SYT7: variants seen among roughly 807,000 people sequenced by gnomAD.
SYT7 encodes synaptotagmin-7.
Under a neutral mutation model 75.1 loss-of-function variants are expected in SYT7, and 29 were observed. The ratio of observed to expected loss-of-function variants is 0.39; its 90% CI spans 0.29 to 0.53. The LOEUF (loss-of-function observed/expected upper bound fraction) is 0.53. Ranked by LOEUF, SYT7 falls within the 20% of genes least tolerant of loss-of-function variation. The pLI is 0.77. For missense variants in SYT7, 693 were observed against 953.2 expected, an observed-to-expected ratio of 0.73 and a Z score of 3.59; for synonymous variants, 376 against 401.7, an observed-to-expected ratio of 0.94 and a Z score of 0.76.
At chr11:61,562,678 T>C (rs924438173) in intron 1 of SYT7, among the ~76,000 whole-genome samples, 1 of 152,136 alleles carries the variant, frequency 6.6e-6, no homozygotes, top group Non-Finnish European at 1.5e-5. Flanking sequence ...TCCCAGGACC[T>C]GCAGGGCTTG....
chr11:61,586,515 C>T, the SYT7 span, among the ~76,000 whole-genome samples: 2 of 152,192 alleles, frequency 1.3e-5, no homozygotes, highest in African/African-American at 4.8e-5. Context: ...CAGTCTGTAC[C>T]ATAGGATGTT....
At chr11:61,582,926 C>T (rs1208222697), upstream of SYT7, among the ~76,000 whole-genome samples, 1 of 152,134 alleles carries the variant, frequency 6.6e-6, no homozygotes, top group African/African-American at 2.4e-5. Flanking sequence ...CTCTCATTAC[C>T]CTAGTAAAGA....
At chr11:61,538,362 A>G (rs1047571126) in intron 6 of SYT7, 96 bp from the exon 7 acceptor site, 8 of 794,028 alleles carry the variant, frequency 1.0e-5, no homozygotes, top group African/African-American at 8.8e-5. Flanking sequence ...AGAGAGAGAG[A>G]GAGAGAGAGA....
intron 8 of SYT7, among the ~76,000 whole-genome samples, chr11:61,530,261 G>A (rs1351798271): frequency 2.0e-5 from 3 of 152,094 alleles, no homozygotes; most frequent in Admixed American, 6.5e-5. Context: ...GCTTTACCCC[G>A]GTCCTGCCTA....
chr11:61,568,595 G>T (rs1436453781), intron 1 of SYT7, among the ~76,000 whole-genome samples: 3 of 152,206 alleles, frequency 2.0e-5, no homozygotes, highest in African/African-American at 7.2e-5. Context: ...AGCGAGTGCT[G>T]AGACGGGCAT....
In SYT7 at chr11:61,517,542, G is replaced by C. The variant is rs1390869012; in HGVS notation, c.*1085C>G. 2.5e-6 allele frequency: 1 copy of C among 399,688 alleles called. No homozygotes were observed. The highest frequency in any genetic ancestry group is 4.4e-6 in the Non-Finnish European group (1 of 226,714). 24.8% of individuals were successfully genotyped at this position (399,688 alleles called of 1,614,324 possible). ...GGGGATGGAGGGGTGGAGGAAAGAA[G>C]GGTGGAGGTCTGCACAGGCAGGGAG... On this transcript the variant is annotated 3_prime_UTR_variant, in exon 13 of 13. Transcript: ENST00000539008.
chr11:61,528,139 C>T lies in SYT7; in HGVS notation c.1247G>A (p.Arg416Gln), dbSNP rs374646904. 3.7e-5 allele frequency: 59 copies of T among 1,612,946 alleles called. No individual in the cohort carries two copies. Among genetic ancestry groups the T allele is most frequent in the Admixed American group, 2.7e-4 (16 of 60,002 alleles). ...EEDEAHEGCS[R>Q]ENLGRIQFSV... ...GAACTGGATCCGGCCCAGGTTCTCT[C>T]GGCTGCAACCCTCGTGGGCCTCATC... The change falls in exon 9 of 13, where the codon CGA (arginine) becomes CAA (glutamine). Residue 416 changes from arginine (R) to glutamine (Q), a missense_variant. Arg to Gln is a conservative substitution (Grantham distance 43). This residue lies in a region of SYT7 where 487 missense variants were observed against 593.2 expected (regional missense o/e 0.82). Coordinates refer to ENST00000539008, the MANE Select transcript of SYT7 (RefSeq NM_001365809.2).
rs1162922518 is a variant in SYT7, at chr11:61,514,928, G to A, written c.*3699C>T. ...CATGGATGGTGGTGGGAAAGCTGGA[G>A]CGTCCCCCTTTGGTTTGTCTGAGCT... On this transcript the variant is annotated 3_prime_UTR_variant, in exon 13 of 13. Coordinates refer to ENST00000539008, the MANE Select transcript of SYT7 (RefSeq NM_001365809.2). 6.6e-6 allele frequency among the ~76,000 whole-genome samples: 1 copy of A among 152,220 alleles called. No homozygotes were observed. The highest frequency in any genetic ancestry group is 2.4e-5 in the African/African-American group (1 of 41,452).
At chr11:61,543,731 A>G (rs978465278) in intron 5 of SYT7, among the ~76,000 whole-genome samples, 1 of 152,250 alleles carries the variant, frequency 6.6e-6, no homozygotes, top group Non-Finnish European at 1.5e-5. Flanking sequence ...TGGAGTCAGA[A>G]GTCCCTGGCC....
intron 8 of SYT7, among the ~76,000 whole-genome samples, chr11:61,529,989 C>CTGCCCTG (rs1346347398): frequency 6.6e-6 from 1 of 152,224 alleles, no homozygotes; most frequent in Non-Finnish European, 1.5e-5. Flanking sequence ...TCACCAGACC[C>CTGCCCTG]TGCCCTGTGC....
chr11:61,515,575 A>C lies in SYT7; in HGVS notation c.*3052T>G, dbSNP rs1435026339. 6.6e-6 allele frequency: 1 copy of C among 152,004 alleles called. No individual in the cohort carries two copies. The highest frequency in any genetic ancestry group is 2.4e-5 in the African/African-American group (1 of 41,212). The allele number at this position is 152,004 out of a possible 1,614,324, so 9.4% of individuals were successfully genotyped here. A position where few individuals can be genotyped will look rare whatever the true frequency, so the allele number is the denominator to read the frequency against. ...AAAACACTTGCACTCAAGAACATAC[A>C]AACAGTGGCCACCAATCCCCACCCC... is the stretch of plus-strand genomic sequence containing the variant. On this transcript the variant is annotated 3_prime_UTR_variant, in exon 13 of 13. Transcript: ENST00000539008.
At chr11:61,522,230 C>T (rs537808900) in intron 12 of SYT7, among the ~76,000 whole-genome samples, 2 of 140,730 alleles carry the variant, frequency 1.4e-5, no homozygotes, top group East Asian at 2.0e-4. Flanking sequence ...TTCTCTGTTG[C>T]GCAGGCTGGA....
intron 2 of SYT7, among the ~76,000 whole-genome samples, chr11:61,555,406 G>C (rs114754542): frequency 0.017 from 2,665 of 152,330 alleles, 90 homozygotes; most frequent in African/African-American, 0.061. Flanking sequence ...GGCTCGGGGA[G>C]CTGTGGGCTG....
intron 1 of SYT7, among the ~76,000 whole-genome samples, chr11:61,577,728 A>G (rs2064123622): frequency 6.6e-6 from 1 of 152,182 alleles, no homozygotes; most frequent in African/African-American, 2.4e-5. Flanking sequence ...CAGGTGGGAC[A>G]AAAGAAGGCT....
In SYT7 at chr11:61,524,690, G is replaced by A; in HGVS notation, c.1472-158C>T. The A allele has an allele frequency of 1.6e-6, 1 of 619,142 alleles. No individual in the cohort carries two copies. Among genetic ancestry groups the A allele is most frequent in the Non-Finnish European group, 2.7e-6 (1 of 368,390 alleles). The allele number at this position is 619,142 out of a possible 1,614,324, so 38.4% of individuals were successfully genotyped here. On this transcript the variant is annotated intron_variant, in intron 9 of 12. Transcript: ENST00000539008. This position sits in a 1 kb window ranked among gnomAD's most constrained non-coding sequence, Gnocchi z 4.1. ...CACCGGATTGCAATTAGACCTTACTGAAGTGCTAGCAAGAACTGTCACCGT... is the reference window on the plus strand; with the variant it reads ...CACCGGATTGCAATTAGACCTTACTAAAGTGCTAGCAAGAACTGTCACCGT...
intron 2 of SYT7, 62 bp downstream of exon 2, chr11:61,556,042 G>A: frequency 7.1e-7 from 1 of 1,399,850 alleles, no homozygotes; most frequent in Non-Finnish European, 1.0e-6. Flanking sequence ...GTGTGTGTGT[G>A]GGGAGGGGGG....
upstream of SYT7, among the ~76,000 whole-genome samples, chr11:61,582,099 C>T (rs551000250): frequency 6.6e-6 from 1 of 152,116 alleles, no homozygotes; most frequent in African/African-American, 2.4e-5. Flanking sequence ...CACACACACA[C>T]ACACACACAG....
At chr11:61,562,496 A>G (rs1170261498) in intron 1 of SYT7, among the ~76,000 whole-genome samples, 2 of 152,244 alleles carry the variant, frequency 1.3e-5, no homozygotes, top group Non-Finnish European at 2.9e-5. Context: ...ACTAAATGCT[A>G]GCTATTATCA....
At chr11:61,522,187 CT>C (rs60616538) in intron 12 of SYT7, among the ~76,000 whole-genome samples, 6,705 of 114,238 alleles carry the variant, frequency 0.059, 204 homozygotes, top group East Asian at 0.15. Flanking sequence ...GAAGAGATCA[CT>C]TTTTTTTTTT....
Sources: gnomAD v4.1 joint callset for allele counts (sites outside exome capture counted in the v4.1 genomes callset) on GRCh38, gnomAD v4.1.1 for gene constraint, gnomAD v4.1.1 regional missense constraint, Gnocchi (gnomAD v3.1) non-coding constraint, MANE v1.5 for transcripts, NCBI Gene and HGNC (gene_info 2026-07-23, HGNC 2026-07-21) for gene names.